The following TNFSF15 variants were observed in gnomAD, a reference collection of about 807,000 sequenced individuals.
The protein encoded by TNFSF15 is tumor necrosis factor ligand superfamily member 15.
Under a neutral mutation model 26.4 loss-of-function variants are expected in TNFSF15, and 15 were observed. That is an observed-to-expected ratio of 0.57 (90% confidence interval 0.38 to 0.87). The LOEUF (loss-of-function observed/expected upper bound fraction) is 0.87. Among genes scored for constraint, TNFSF15 ranks in the 40% least tolerant of loss-of-function variants. The pLI, the probability that TNFSF15 is intolerant of heterozygous loss-of-function variation, is 0.00. For missense variants in TNFSF15, 290 were observed against 306.1 expected, an observed-to-expected ratio of 0.95 and a Z score of 0.39; for synonymous variants, 116 against 115.0, an observed-to-expected ratio of 1.01 and a Z score of -0.06.
chr9:114,795,834 A>C (rs1402315753), intron 1 of TNFSF15, among the ~76,000 whole-genome samples: 2 of 152,222 alleles, frequency 1.3e-5, no homozygotes, highest in Non-Finnish European at 2.9e-5. Context: ...ATGTCTTGCC[A>C]TCTGCCTGCG....
At chr9:114,799,868 C>T (rs1179886789) in intron 1 of TNFSF15, among the ~76,000 whole-genome samples, 1 of 152,200 alleles carries the variant, frequency 6.6e-6, no homozygotes, top group East Asian at 1.9e-4. Context: ...TTCCTCAGTG[C>T]ACCTTCACTG....
In TNFSF15 at chr9:114,790,741, CG is replaced by C; in HGVS notation, c.466del (p.Arg156ValfsTer3). ...TTCACTGCACTCAGAGGTCATCCCACGGAATGTGACCTGGGAGTAAATGAAG... is the reference window on the plus strand; with the variant it reads ...TTCACTGCACTCAGAGGTCATCCCACGAATGTGACCTGGGAGTAAATGAAG... Reference protein sequence around the residue: ...DYFIYSQVTFRGMTSECSEIR... With the variant: ...DYFIYSQVTFXGMTSECSEIR... On this transcript the variant is annotated frameshift_variant, in exon 4 of 4. Transcript: ENST00000374045. LOFTEE classifies it high-confidence loss of function. The C allele has an allele frequency of 6.2e-7, 1 of 1,614,000 alleles. No homozygotes were observed. Among genetic ancestry groups the C allele is most frequent in the Non-Finnish European group, 8.5e-7 (1 of 1,180,012 alleles).
chr9:114,790,233 A>G lies in TNFSF15; in HGVS notation c.*219T>C, dbSNP rs1829572537. The stretch of plus-strand genomic sequence containing the variant: ...CAATCCTCCAACCCATCTTAATAAT[A>G]TATTTGCTCTCTTCAGCCTTTTTCC... On this transcript the variant is annotated 3_prime_UTR_variant, in exon 4 of 4. Transcript: ENST00000374045. The G allele has an allele frequency of 2.1e-6, 1 of 471,350 alleles. No homozygotes were observed. The highest frequency in any genetic ancestry group is 1.9e-5 in the African/African-American group (1 of 51,722). 29.2% of individuals were successfully genotyped at this position (471,350 alleles called of 1,614,324 possible).
intron 1 of TNFSF15, among the ~76,000 whole-genome samples, chr9:114,795,592 G>T (rs7867918): frequency 0.12 from 18,637 of 152,222 alleles, 1,341 homozygotes; most frequent in Middle Eastern, 0.26. Flanking sequence ...ATGTGACTAG[G>T]TTATGTGCAA....
chr9:114,803,786 G>T (rs759301554), intron 1 of TNFSF15, among the ~76,000 whole-genome samples: 4 of 152,214 alleles, frequency 2.6e-5, no homozygotes, highest in Non-Finnish European at 5.9e-5. Flanking sequence ...CTTCCAGGCA[G>T]GCCCTCTCCT....
At chr9:114,791,001 G>T in intron 3 of TNFSF15, 95 bp from the exon 4 acceptor site, 1 of 1,249,890 alleles carries the variant, frequency 8.0e-7, no homozygotes, top group Non-Finnish European at 1.1e-6. Flanking sequence ...AGACTAAAGT[G>T]ATCGAATATA....
rs893642296 is a variant in TNFSF15, at chr9:114,790,628, G to C, written c.580C>G (p.Leu194Val). ...VTDSYPEPTQ[L>V]LMGTKSVCEV... ...CATACAGACTTGGTCCCCATGAGGA[G>C]CTGGGTTGGCTCAGGGTAGCTGTCT... Residue 194 changes from leucine to valine, a missense_variant, in exon 4 of 4, where the codon CTC (leucine) becomes GTC (valine). Coordinates refer to ENST00000374045, the MANE Select transcript of TNFSF15 (RefSeq NM_005118.4). 6.2e-7 allele frequency: 1 copy of C among 1,614,122 alleles called. No homozygotes were observed. Among genetic ancestry groups the C allele is most frequent in the Non-Finnish European group, 8.5e-7 (1 of 1,180,024 alleles).
chr9:114,792,555 T>C, intron 2 of TNFSF15, 101 bp from the exon 3 acceptor site: 1 of 1,582,974 alleles, frequency 6.3e-7, no homozygotes, highest in Non-Finnish European at 8.6e-7. Flanking sequence ...GAGAGAAACC[T>C]TGATCTCCTC....
chr9:114,787,249 A>G lies in TNFSF15; in HGVS notation c.*3203T>C, dbSNP rs564336577. 1.3e-5 allele frequency: 2 copies of G among 152,356 alleles called. No individual in the cohort carries two copies. Among genetic ancestry groups the G allele is most frequent in the East Asian group, 3.9e-4 (2 of 5,192 alleles). 9.4% of individuals were successfully genotyped at this position (152,356 alleles called of 1,614,324 possible). On this transcript the variant is annotated 3_prime_UTR_variant, in exon 4 of 4. Coordinates refer to ENST00000374045, the MANE Select transcript of TNFSF15 (RefSeq NM_005118.4). ...ATCCTTGAGTAGCTATTTTTAAAAA[A>G]ACACTTCGAGTAAACACAAATCATT...
chr9:114,786,252 G>T lies in TNFSF15; in HGVS notation c.*4200C>A, dbSNP rs1253621429. ...AGGACTCTGGGCCATAGGAAAGCCAGAAATCTTAAGGCAAGAGATGTTTGC... is the reference window on the plus strand; with the variant it reads ...AGGACTCTGGGCCATAGGAAAGCCATAAATCTTAAGGCAAGAGATGTTTGC... On this transcript the variant is annotated 3_prime_UTR_variant, in exon 4 of 4. Coordinates refer to ENST00000374045, the MANE Select transcript of TNFSF15 (RefSeq NM_005118.4). 1 of 152,346 alleles carries T rather than the reference G, an allele frequency of 6.6e-6. No individual in the cohort carries two copies. Among genetic ancestry groups the T allele is most frequent in the Middle Eastern group, 3.4e-3 (1 of 294 alleles). The allele number at this position is 152,346 out of a possible 1,614,324, so 9.4% of individuals were successfully genotyped here. A position where few individuals can be genotyped will look rare whatever the true frequency, so the allele number is the denominator to read the frequency against.
chr9:114,798,258 G>T (rs35032439), intron 1 of TNFSF15, among the ~76,000 whole-genome samples: 19,726 of 152,108 alleles, frequency 0.13, 1,678 homozygotes, highest in Middle Eastern at 0.25. Flanking sequence ...AGGGAGATGG[G>T]ATGCTTGCTC....
intron 1 of TNFSF15, among the ~76,000 whole-genome samples, chr9:114,804,044 G>A (rs1484524337): frequency 6.6e-6 from 1 of 152,110 alleles, no homozygotes; most frequent in Middle Eastern, 3.2e-3. Flanking sequence ...ATTGCTACAT[G>A]AGCCCAGCCT....
intron 1 of TNFSF15, 105 bp downstream of exon 1, chr9:114,805,698 G>A (rs1323596735): frequency 1.1e-5 from 12 of 1,113,240 alleles, no homozygotes; most frequent in Non-Finnish European, 1.0e-5. Context: ...AACAAGAAAT[G>A]TGATACATCA....
chr9:114,803,183 A>T (rs563963258), intron 1 of TNFSF15, among the ~76,000 whole-genome samples: 1 of 151,366 alleles, frequency 6.6e-6, no homozygotes. Context: ...ATTCCATAGC[A>T]CCTCTCTGTT....
rs373564440 is a variant in TNFSF15 at position 114,792,533 on chromosome 9, C to T, written c.254-79G>A. ...AGACGGCCCTTTGTGAGTTGCATGG[C>T]GCCTATGATAGGAGAGAAACCTTGA... On this transcript the variant is annotated intron_variant, in intron 2 of 3. Transcript: ENST00000374045. The T allele has an allele frequency of 2.0e-4, 325 of 1,603,854 alleles. 2 individuals are homozygous for T. The South Asian group carries it at 3.2e-3, about 16-fold the overall frequency.
chr9:114,792,523 A>C (rs1829620131), intron 2 of TNFSF15, 69 bp from the exon 3 acceptor site: 1 of 1,609,706 alleles, frequency 6.2e-7, no homozygotes, highest in African/African-American at 1.3e-5. Context: ...GCCCTTTGTG[A>C]GTTGCATGGC....
Position 114,792,463 on chromosome 9 carries a change from A to G in TNFSF15, c.254-9T>C, listed in dbSNP as rs181198827. 5.4e-5 allele frequency: 87 copies of G among 1,614,086 alleles called. No homozygotes were observed. In the African/African-American group the frequency reaches 1.1e-3, roughly 21 times the overall value. Reference sequence around the variant, plus strand: ...TGCTCTAAGAGGTGCATCTGTAACAAAAGGAGAAATGTGCTTTGTATGAGA... The same window carrying G: ...TGCTCTAAGAGGTGCATCTGTAACAGAAGGAGAAATGTGCTTTGTATGAGA... On this transcript the variant is annotated splice_polypyrimidine_tract_variant and intron_variant, in intron 2 of 3. Coordinates refer to ENST00000374045, the MANE Select transcript of TNFSF15 (RefSeq NM_005118.4).
Position 114,790,520 on chromosome 9 carries a change from C to T in TNFSF15, c.688G>A (p.Val230Ile), listed in dbSNP as rs889534030. The T allele has an allele frequency of 1.4e-5, 22 of 1,614,020 alleles. No homozygotes were observed. The highest frequency in any genetic ancestry group is 5.0e-5 in the Admixed American group (3 of 59,998). ...LQEGDKLMVN[V>I]SDISLVDYTK... ...TAATCCACCAAAGAGATGTCACTGA[C>T]GTTCACCATTAGCTTGTCCCCTTCT... Residue 230 changes from valine to isoleucine, a missense_variant, in exon 4 of 4, where the codon GTC becomes ATC. Physicochemically the swap from Val to Ile is conservative, Grantham distance 29. Around this residue, in one of 3 missense-constraint regions of TNFSF15, gnomAD observed 102 missense variants for 114.7 expected, o/e 0.89. Coordinates refer to ENST00000374045, the MANE Select transcript of TNFSF15 (RefSeq NM_005118.4).
intron 3 of TNFSF15, chr9:114,791,371 T>C (rs1192344386): frequency 5.0e-6 from 1 of 201,176 alleles, no homozygotes. Context: ...AGTGATTGGC[T>C]GAACTGTTTT....
Sources: allele counts gnomAD v4.1 joint callset (sites outside exome capture counted in the v4.1 genomes callset), GRCh38; gene constraint gnomAD v4.1.1; regional missense constraint gnomAD v4.1.1; transcripts MANE v1.5; gene names NCBI Gene and HGNC (gene_info 2026-07-23, HGNC 2026-07-21).